The following KALRN variants were observed in gnomAD, a reference collection of about 807,000 sequenced individuals.
The protein encoded by KALRN is kalirin RhoGEF kinase, also known as kalirin.
KALRN carries 70 observed loss-of-function variants against 353.7 expected under a neutral mutation model. That is an observed-to-expected ratio of 0.20 (90% CI 0.16 to 0.24). The LOEUF is 0.24. Ranked by LOEUF, KALRN falls within the 10% of genes least tolerant of loss-of-function variation. The pLI, the probability that KALRN is intolerant of heterozygous loss-of-function variation, is 1.00. For synonymous variants in KALRN, 1,391 were observed against 1,434.8 expected (o/e 0.97, Z 0.69); for missense variants, 2,791 against 3,756.7 (o/e 0.74, Z 6.72).
At chr3:124,644,333 A>T (rs960358030) in intron 37 of KALRN, among the ~76,000 whole-genome samples, 6 of 151,418 alleles carry the variant, frequency 4.0e-5, no homozygotes, top group Admixed American at 1.3e-4. Context: ...TTTTTTTAAA[A>T]TTTTTTTTTA....
chr3:124,454,298 C>T (rs1382053860), intron 21 of KALRN, among the ~76,000 whole-genome samples: 2 of 152,172 alleles, frequency 1.3e-5, no homozygotes, highest in Non-Finnish European at 2.9e-5. Flanking sequence ...GACAAATAGG[C>T]TCTGTTTGCT....
At chr3:124,213,167 A>T (rs888211340) in intron 1 of KALRN, among the ~76,000 whole-genome samples, 17 of 152,088 alleles carry the variant, frequency 1.1e-4, no homozygotes, top group Non-Finnish European at 2.1e-4. Flanking sequence ...AAGGTTTTTA[A>T]AAAAATGTCA....
At chr3:124,599,538 C>T (rs1160286487) in intron 34 of KALRN, among the ~76,000 whole-genome samples, 1 of 152,168 alleles carries the variant, frequency 6.6e-6, no homozygotes, top group Non-Finnish European at 1.5e-5. Flanking sequence ...CAGCTGCTGC[C>T]TCCTGCTGCG....
chr3:124,128,878 T>C (rs1439110658), intron 1 of KALRN, among the ~76,000 whole-genome samples: 2 of 152,114 alleles, frequency 1.3e-5, no homozygotes, highest in African/African-American at 4.8e-5. Context: ...AAACATTGTG[T>C]GCTTGTTCCC....
chr3:124,539,514 G>A (rs1258326583), intron 33 of KALRN, among the ~76,000 whole-genome samples: 1 of 152,144 alleles, frequency 6.6e-6, no homozygotes, highest in African/African-American at 2.4e-5. Flanking sequence ...GCACACCCCT[G>A]GCAGGCTGCA....
At chr3:124,355,119 C>T (rs149296690) in intron 10 of KALRN, among the ~76,000 whole-genome samples, 2 of 152,256 alleles carry the variant, frequency 1.3e-5, no homozygotes, top group African/African-American at 4.8e-5. Flanking sequence ...GCAAAGGGTT[C>T]TATGTGGTAG....
intron 1 of KALRN, among the ~76,000 whole-genome samples, chr3:124,171,014 A>G (rs2071735454): frequency 6.6e-6 from 1 of 151,646 alleles, no homozygotes; most frequent in African/African-American, 2.4e-5. Context: ...ACAGGGTTTC[A>G]TTATGTTAGC....
At chr3:124,374,746 C>A (rs556398764) in intron 10 of KALRN, among the ~76,000 whole-genome samples, 189 of 152,358 alleles carry the variant, frequency 1.2e-3, no homozygotes, top group Non-Finnish European at 2.4e-3. Context: ...CCTCCCACTG[C>A]CAGCCAAACA....
At chr3:124,542,422 A>G (rs1421485888) in intron 33 of KALRN, among the ~76,000 whole-genome samples, 1 of 152,192 alleles carries the variant, frequency 6.6e-6, no homozygotes, top group East Asian at 1.9e-4. Context: ...ACCCACGTAA[A>G]GCATATTATA....
At position 124,209,644 on chromosome 3, in the gene KALRN, A is replaced by C. The variant is rs149233858; in HGVS notation, c.74-18346A>C. The stretch of plus-strand genomic sequence containing the variant: ...CTATGTGGTTTTAGAGAAACCACTA[A>C]GAAATTATAGGGTAGAGATAGGAAA... On this transcript the variant is annotated intron_variant, in intron 1 of 59. Transcript: ENST00000682506. 7.9e-5 allele frequency among the ~76,000 whole-genome samples: 12 copies of C among 152,288 alleles called. No homozygotes were observed. In the East Asian group the frequency reaches 2.3e-3, roughly 29 times the overall value.
chr3:124,570,185 T>C (rs929455781), intron 34 of KALRN, among the ~76,000 whole-genome samples: 1 of 152,240 alleles, frequency 6.6e-6, no homozygotes, highest in Non-Finnish European at 1.5e-5. Context: ...TATGCCATAA[T>C]GCCTAACATG....
chr3:124,463,780 C>G (rs1311052482), intron 25 of KALRN, among the ~76,000 whole-genome samples: 1 of 152,090 alleles, frequency 6.6e-6, no homozygotes, highest in African/African-American at 2.4e-5. Flanking sequence ...GAAAGTCACT[C>G]CTCTCTCTTC....
chr3:124,689,371 T>C (rs2061707277), intron 51 of KALRN, among the ~76,000 whole-genome samples: 1 of 151,948 alleles, frequency 6.6e-6, no homozygotes, highest in African/African-American at 2.4e-5. Context: ...CCTAGCTCAT[T>C]TGTTTTTATT....
chr3:124,116,976 G>A (rs2063514627), intron 1 of KALRN, among the ~76,000 whole-genome samples: 1 of 152,218 alleles, frequency 6.6e-6, no homozygotes. Context: ...GTCCACCAAA[G>A]TGTCTTTGAC....
chr3:124,112,227 C>T (rs575650359), intron 1 of KALRN, among the ~76,000 whole-genome samples: 12 of 147,384 alleles, frequency 8.1e-5, no homozygotes, highest in East Asian at 6.2e-4. Context: ...CGCTTGAACC[C>T]GGGAGGCAGA....
chr3:124,184,001 A>T (rs1681652098), intron 1 of KALRN, among the ~76,000 whole-genome samples: 2 of 152,192 alleles, frequency 1.3e-5, no homozygotes. Flanking sequence ...GTGGGGACAG[A>T]AGAAGGGGCA....
intron 6 of KALRN, among the ~76,000 whole-genome samples, chr3:124,300,089 G>A (rs1011304971): frequency 2.0e-5 from 3 of 152,188 alleles, no homozygotes; most frequent in Non-Finnish European, 4.4e-5. Context: ...GGCCAAGAAG[G>A]AAGAGAATTT....
intron 34 of KALRN, among the ~76,000 whole-genome samples, chr3:124,614,763 G>A (rs192538927): frequency 1.8e-4 from 28 of 151,972 alleles, no homozygotes; most frequent in Admixed American, 1.6e-3. Flanking sequence ...GTAGGGACAG[G>A]GTCTCACTAT....
chr3:124,127,259 C>T (rs1461556978), intron 1 of KALRN, among the ~76,000 whole-genome samples: 2 of 152,252 alleles, frequency 1.3e-5, no homozygotes, highest in East Asian at 3.9e-4. Flanking sequence ...TTAGGATTAC[C>T]TACCAGTTTA....
Sources: allele counts gnomAD v4.1 joint callset (sites outside exome capture counted in the v4.1 genomes callset), GRCh38; gene constraint gnomAD v4.1.1; transcripts MANE v1.5; gene names NCBI Gene and HGNC (gene_info 2026-07-23, HGNC 2026-07-21).